Variants in MASP2 observed in about 807,000 individuals in gnomAD.
MASP2 encodes the protein mannan-binding lectin serine protease 2.
Under a neutral mutation model 57.1 loss-of-function variants are expected in MASP2, and 49 were observed. The observed-to-expected ratio is 0.86, with a 90% CI of 0.68 to 1.09. The LOEUF is 1.09. MASP2 is among the 50% of genes least tolerant of loss of function. The pLI is 0.00. For missense variants in MASP2, 900 were observed against 874.8 expected, an observed-to-expected ratio of 1.03 and a Z score of -0.36; for synonymous variants, 379 against 340.8, an observed-to-expected ratio of 1.11 and a Z score of -1.24.
Position 11,026,935 on chromosome 1 carries a change from T to G in MASP2, c.2011A>C (p.Lys671Gln), listed in dbSNP as rs1289010289. The G allele has an allele frequency of 6.6e-6, 10 of 1,513,658 alleles. No homozygotes were observed. Among genetic ancestry groups the G allele is most frequent in the Non-Finnish European group, 7.9e-6 (9 of 1,133,054 alleles). The allele number at this position is 1,513,658 out of a possible 1,614,324, so 93.8% of individuals were successfully genotyped here. Residue 671 changes from lysine to glutamine, a missense_variant, in exon 11 of 11, where the codon AAA becomes CAA. By Grantham distance (53) the Lys-to-Gln change is moderately conservative. Coordinates refer to ENST00000400897, the MANE Select transcript of MASP2 (RefSeq NM_006610.4). ...ATCCAGGGAATATAGTTAATAACTT[T>G]TGTGTAGACTCCATACTGACCTGCT... The part of the protein sequence containing the change: ...GEAGQYGVYT[K>Q]VINYIPWIEN...
intron 4 of MASP2, chr1:11,044,734 A>C: frequency 1.4e-6 from 2 of 1,389,840 alleles, no homozygotes; most frequent in Non-Finnish European, 1.9e-6. Flanking sequence ...TGAGGAGGGT[A>C]GGCAGAGAGG....
chr1:11,043,634 G>A lies in MASP2; in HGVS notation c.545-99C>T, dbSNP rs182267163. The stretch of plus-strand genomic sequence containing the variant: ...CCTTGGGGAGCAGGAAACTGGGACA[G>A]GGATGTGGCTGGGACATCTGCATCC... On this transcript the variant is annotated intron_variant, in intron 4 of 10. Coordinates refer to ENST00000400897, the MANE Select transcript of MASP2 (RefSeq NM_006610.4). 19 of 823,524 alleles carry A rather than the reference G, an allele frequency of 2.3e-5. No individual in the cohort carries two copies. The African/African-American group carries it at 3.1e-4, about 13-fold the overall frequency. The allele number at this position is 823,524 out of a possible 1,614,324, so 51.0% of individuals were successfully genotyped here.
At chr1:11,041,348 A>G (rs1260398248) in intron 6 of MASP2, among the ~76,000 whole-genome samples, 2 of 143,878 alleles carry the variant, frequency 1.4e-5, no homozygotes, top group Non-Finnish European at 3.0e-5. Flanking sequence ...TGATGGATGG[A>G]TAGATAGGTG....
intron 6 of MASP2, 33 bp downstream of exon 6, chr1:11,042,842 C>T (rs746385162): frequency 1.2e-6 from 2 of 1,611,046 alleles, no homozygotes; most frequent in South Asian, 2.2e-5. Context: ...CAGCTCTGCG[C>T]TTCCAGCCAA....
chr1:11,039,330 GTGGATGGATGGATGGA>G (rs57562185), intron 6 of MASP2, among the ~76,000 whole-genome samples: 4,102 of 146,980 alleles, frequency 0.028, 149 homozygotes, highest in African/African-American at 0.082. Flanking sequence ...TGGAAGGATG[GTGGATGGATGGATGGA>G]TGGATGGATG....
chr1:11,027,622 C>T lies in MASP2; in HGVS notation c.1324G>A (p.Gly442Arg), dbSNP rs1643761809. The T allele has an allele frequency of 6.2e-7, 1 of 1,612,712 alleles. No individual in the cohort carries two copies. Among genetic ancestry groups the T allele is most frequent in the Non-Finnish European group, 8.5e-7 (1 of 1,179,138 alleles). Residue 442 changes from glycine to arginine, a missense_variant, in exon 11 of 11, where the codon GGA becomes AGA. Gly to Arg is a moderately radical substitution (Grantham distance 125, BLOSUM62 -2). Transcript: ENST00000400897. ...TTTTGCCCTCCATATATACGCCCTC[C>T]TGTTGTGCGGGCTGATAGTCCACAA... ...PVCGLSARTTGGRIYGGQKAK... is the reference protein window; with the variant it reads ...PVCGLSARTTRGRIYGGQKAK...
In MASP2 at chr1:11,026,936, T is replaced by C. The variant is rs138588078; in HGVS notation, c.2010A>G (p.Thr670=). 184 of 1,514,412 alleles carry C rather than the reference T, an allele frequency of 1.2e-4. No homozygotes were observed. In the African/African-American group the frequency reaches 2.2e-3, roughly 18 times the overall value. 93.8% of individuals were successfully genotyped at this position (1,514,412 alleles called of 1,614,324 possible). ...TCCAGGGAATATAGTTAATAACTTT[T>C]GTGTAGACTCCATACTGACCTGCTT... ...CGEAGQYGVY[T]KVINYIPWIE... The change falls in exon 11 of 11, where the codon ACA becomes ACG. Residue 670 remains threonine, a synonymous_variant. Coordinates refer to ENST00000400897, the MANE Select transcript of MASP2 (RefSeq NM_006610.4).
At chr1:11,030,667 T>C in intron 9 of MASP2, 81 bp downstream of exon 9, 2 of 1,456,510 alleles carry the variant, frequency 1.4e-6, no homozygotes, top group South Asian at 1.5e-5. Context: ...TAGCCAAAAA[T>C]GTTGGTTAAA....
intron 7 of MASP2, among the ~76,000 whole-genome samples, chr1:11,035,908 A>G (rs1417457117): frequency 6.6e-6 from 1 of 151,760 alleles, no homozygotes; most frequent in East Asian, 1.9e-4. Flanking sequence ...AAAAAAAAAA[A>G]AAAAAAAAGC....
chr1:11,045,454 G>C lies in MASP2; in HGVS notation c.498C>G (p.Ser166=). 2 of 1,613,288 alleles carry C rather than the reference G, an allele frequency of 1.2e-6. No individual in the cohort carries two copies. Among genetic ancestry groups the C allele is most frequent in the Non-Finnish European group, 1.7e-6 (2 of 1,179,994 alleles). The change falls in exon 4 of 11, where the codon TCC becomes TCG. Residue 166 remains serine, a synonymous_variant. Transcript: ENST00000400897. ...CHNHLGGFYC[S]CRAGYVLHRN... is the part of the protein sequence containing the mutation. ...GGTGCAGGACGTAGCCTGCGCGGCA[G>C]GAGCAGTAGAAACCGCCCAGGTGGT...
intron 3 of MASP2, chr1:11,046,254 C>T: frequency 2.2e-6 from 1 of 445,812 alleles, no homozygotes; most frequent in South Asian, 2.1e-5. Flanking sequence ...CTCAAATGAT[C>T]AGCCAGCCTC....
intron 7 of MASP2, among the ~76,000 whole-genome samples, chr1:11,035,273 C>T (rs1394808808): frequency 2.6e-5 from 4 of 152,024 alleles, no homozygotes; most frequent in East Asian, 3.8e-4. Flanking sequence ...CCTGTAATCC[C>T]GACACTCCTG....
chr1:11,027,748 A>G lies in MASP2; in HGVS notation c.1298-100T>C, dbSNP rs1179467013. 95 of 1,263,936 alleles carry G rather than the reference A, an allele frequency of 7.5e-5. No individual in the cohort carries two copies. The South Asian group carries it at 1.3e-3, about 17-fold the overall frequency. 78.3% of individuals were successfully genotyped at this position (1,263,936 alleles called of 1,614,324 possible). On this transcript the variant is annotated intron_variant, in intron 10 of 10. Coordinates refer to ENST00000400897, the MANE Select transcript of MASP2 (RefSeq NM_006610.4). ...TGAAGTATATATTTGATGTCAACCA[A>G]AAATTATATTACATGAATTGGTGGG...
intron 2 of MASP2, 36 bp downstream of exon 2, chr1:11,046,855 C>T: frequency 5.8e-6 from 9 of 1,551,656 alleles, no homozygotes; most frequent in Non-Finnish European, 7.9e-6. Context: ...GACCCCCCGA[C>T]CCTGAGAAAC....
intron 5 of MASP2, 77 bp from the exon 6 acceptor site, chr1:11,043,099 T>A: frequency 6.7e-7 from 1 of 1,499,272 alleles, no homozygotes; most frequent in South Asian, 1.2e-5. Context: ...ACCCACCTCC[T>A]CAGCATTTCA....
In MASP2 at chr1:11,045,249, G is replaced by A. The variant is rs1373611798; in HGVS notation, c.544+159C>T. ...CTGATGAGCCTGGCTGCTGAGAGGGGAAGCAGGGCTGAGAAGGGGAGCTGG... is the reference window on the plus strand; with the variant it reads ...CTGATGAGCCTGGCTGCTGAGAGGGAAAGCAGGGCTGAGAAGGGGAGCTGG... On this transcript the variant is annotated intron_variant, in intron 4 of 10. Transcript: ENST00000400897. The A allele has an allele frequency of 2.8e-6, 3 of 1,074,754 alleles. No homozygotes were observed. The South Asian group carries it at 3.9e-5, about 14-fold the overall frequency. 66.6% of individuals were successfully genotyped at this position (1,074,754 alleles called of 1,614,324 possible). A position where few individuals can be genotyped will look rare whatever the true frequency, so the allele number is the denominator to read the frequency against.
At chr1:11,046,782 C>T in intron 2 of MASP2, 49 bp from the exon 3 acceptor site, 1 of 1,583,572 alleles carries the variant, frequency 6.3e-7, no homozygotes, top group Non-Finnish European at 8.6e-7. Flanking sequence ...CAGGCCTGAT[C>T]TCCCTCCTGG....
rs200464626 is a variant in MASP2, at chr1:11,043,503, A to G, written c.577T>C (p.Ser193Pro). The G allele has an allele frequency of 7.5e-6, 12 of 1,606,222 alleles. 1 individual carries two copies. The African/African-American group carries it at 1.6e-4, about 21-fold the overall frequency. ...TATTCAGGGCTGCTGAGCTCCCCAG[A>G]CCTCTGGGTGAAGACCTGGCCGGAG... ...LCSGQVFTQR[S>P]GELSSPEYPR... is the part of the protein sequence containing the mutation. The change falls in exon 5 of 11, where the codon TCT becomes CCT. Residue 193 changes from serine to proline, a missense_variant. Physicochemically the swap from Ser to Pro is moderately conservative, Grantham distance 74. Transcript: ENST00000400897.
intron 4 of MASP2, among the ~76,000 whole-genome samples, chr1:11,044,039 A>G (rs1334102844): frequency 6.6e-6 from 1 of 152,060 alleles, no homozygotes; most frequent in East Asian, 1.9e-4. Flanking sequence ...GCTCCCCTAA[A>G]TTCCCTTACA....
Sources: allele counts gnomAD v4.1 joint callset (sites outside exome capture counted in the v4.1 genomes callset), GRCh38; gene constraint gnomAD v4.1.1; transcripts MANE v1.5; gene names NCBI Gene and HGNC (gene_info 2026-07-23, HGNC 2026-07-21).